Variants in SLC25A28 observed in about 807,000 individuals in gnomAD.
The protein encoded by SLC25A28 is mitoferrin-2.
SLC25A28 carries 10 observed loss-of-function variants against 31.9 expected under a neutral mutation model. The observed-to-expected ratio is 0.31, with a 90% CI of 0.19 to 0.53. SLC25A28 has a LOEUF of 0.53. Among genes scored for constraint, SLC25A28 ranks in the 20% least tolerant of loss-of-function variants. SLC25A28 has a pLI of 0.95. For synonymous variants in SLC25A28, 208 were observed against 203.6 expected (o/e 1.02, Z -0.19); for missense variants, 256 against 490.3 (o/e 0.52, Z 4.51).
chr10:99,639,225 T>C, the SLC25A28 span, among the ~76,000 whole-genome samples: 1 of 151,714 alleles, frequency 6.6e-6, no homozygotes, highest in Admixed American at 6.6e-5. Context: ...TAAGTGAGGG[T>C]AACTCAGGAA....
intron 1 of SLC25A28, chr10:99,616,384 AG>A (rs2034655806): frequency 1.2e-6 from 1 of 858,750 alleles, no homozygotes; most frequent in African/African-American, 1.8e-5. Flanking sequence ...AAAAGAGATA[AG>A]ATATGTAAAA....
the SLC25A28 span, among the ~76,000 whole-genome samples, chr10:99,643,880 G>A: frequency 6.6e-6 from 1 of 152,228 alleles, no homozygotes; most frequent in South Asian, 2.1e-4. Context: ...GTGGTTTTGA[G>A]TGAGTTTCTA....
At chr10:99,618,793 A>G in intron 1 of SLC25A28, 2 of 985,422 alleles carry the variant, frequency 2.0e-6, no homozygotes, top group South Asian at 4.7e-5. Flanking sequence ...CCTTATCCAC[A>G]TTCTAATGAA....
chr10:99,613,803 G>A lies in SLC25A28; in HGVS notation c.413C>T (p.Ala138Val). The change falls in exon 2 of 4, where the codon GCA (alanine) becomes GTA (valine). Residue 138 changes from alanine (A) to valine (V), a missense_variant. Ala to Val is a moderately conservative substitution (Grantham distance 64). This residue lies in a region of SLC25A28 where 158 missense variants were observed against 379.1 expected (regional missense o/e 0.42). Transcript: ENST00000370495. This position sits in a 1 kb window ranked among gnomAD's most constrained non-coding sequence, Gnocchi z 4.9. Reference sequence around the variant, plus strand: ...GGCGTGGGCAGGCCCTGCGCCTGTTGCTGTGACGTTCAGCCCCCTCATGGG... The same window carrying A: ...GGCGTGGGCAGGCCCTGCGCCTGTTACTGTGACGTTCAGCCCCCTCATGGG... ...WRPMRGLNVT[A>V]TGAGPAHALY... 6.2e-7 allele frequency: 1 copy of A among 1,614,240 alleles called. No individual in the cohort carries two copies. Among genetic ancestry groups the A allele is most frequent in the Non-Finnish European group, 8.5e-7 (1 of 1,180,038 alleles).
chr10:99,657,274 G>A, the SLC25A28 span, among the ~76,000 whole-genome samples: 1 of 152,166 alleles, frequency 6.6e-6, no homozygotes, highest in Non-Finnish European at 1.5e-5. Context: ...AGAACTCACA[G>A]AAGGTAAATT....
At chr10:99,649,470 T>C in the SLC25A28 span, among the ~76,000 whole-genome samples, 10 of 152,360 alleles carry the variant, frequency 6.6e-5, no homozygotes, top group African/African-American at 2.4e-4. Flanking sequence ...CCTTGTAGAA[T>C]GAGTTAAGGA....
upstream of SLC25A28, among the ~76,000 whole-genome samples, chr10:99,622,511 C>T (rs987614866): frequency 6.6e-6 from 1 of 152,206 alleles, no homozygotes; most frequent in African/African-American, 2.4e-5. Context: ...TGTCCTTTCT[C>T]TCCTTAAGCT....
the SLC25A28 span, among the ~76,000 whole-genome samples, chr10:99,627,814 T>G: frequency 6.6e-6 from 1 of 152,140 alleles, no homozygotes; most frequent in African/African-American, 2.4e-5. Flanking sequence ...TATCAAACAG[T>G]AGGTCTTATT....
upstream of SLC25A28, among the ~76,000 whole-genome samples, chr10:99,625,494 C>T (rs1242042513): frequency 1.3e-5 from 2 of 152,232 alleles, no homozygotes; most frequent in Non-Finnish European, 2.9e-5. Flanking sequence ...AGAAGCCCAG[C>T]TGGCTTCACC....
At chr10:99,657,600 G>A in the SLC25A28 span, among the ~76,000 whole-genome samples, 1 of 152,078 alleles carries the variant, frequency 6.6e-6, no homozygotes, top group Non-Finnish European at 1.5e-5. Flanking sequence ...ATAGTCATGA[G>A]AACTGAATAT....
At chr10:99,628,017 T>C in the SLC25A28 span, among the ~76,000 whole-genome samples, 1,883 of 152,282 alleles carry the variant, frequency 0.012, 48 homozygotes, top group African/African-American at 0.043. Flanking sequence ...GATACCAATC[T>C]CTGACTATTA....
intron 1 of SLC25A28, chr10:99,616,324 C>G (rs1053086496): frequency 5.1e-6 from 4 of 783,876 alleles, no homozygotes; most frequent in Non-Finnish European, 6.2e-6. Context: ...AAATTGTCAT[C>G]TATAACATGA....
the SLC25A28 span, among the ~76,000 whole-genome samples, chr10:99,630,886 T>C: frequency 1.3e-5 from 2 of 152,150 alleles, no homozygotes; most frequent in African/African-American, 4.8e-5. Context: ...TAACTTAGCC[T>C]AGGGGGTTAT....
the SLC25A28 span, among the ~76,000 whole-genome samples, chr10:99,648,259 A>C: frequency 6.6e-6 from 1 of 152,006 alleles, no homozygotes; most frequent in African/African-American, 2.4e-5. Context: ...TGTCTTCCAA[A>C]GTGCTGGAAT....
the SLC25A28 span, among the ~76,000 whole-genome samples, chr10:99,648,957 CTT>C: frequency 6.6e-6 from 1 of 151,886 alleles, no homozygotes; most frequent in Non-Finnish European, 1.5e-5. Context: ...ATTTTTTTCT[CTT>C]GTCTGATTGG....
rs2133332517 is a variant in SLC25A28 at position 99,611,303 on chromosome 10, G to A, written c.641C>T (p.Ala214Val). ...PYHRVTDCVRAVWQNEGAGAF... is the reference protein window; with the variant it reads ...PYHRVTDCVRVVWQNEGAGAF... ...CCCGGCCCCTTCATTTTGCCACACT[G>A]CCCGTACACAGTCTGTCACCCGGTG... The change falls in exon 4 of 4, where the codon GCA becomes GTA. Residue 214 changes from alanine to valine, a missense_variant. Around this residue, in one of 4 missense-constraint regions of SLC25A28, gnomAD observed 158 missense variants for 379.1 expected, o/e 0.42. Transcript: ENST00000370495. This position sits in a 1 kb window ranked among gnomAD's most constrained non-coding sequence, Gnocchi z 5.5. 1.9e-6 allele frequency: 3 copies of A among 1,614,112 alleles called. No homozygotes were observed. Among genetic ancestry groups the A allele is most frequent in the Non-Finnish European group, 2.5e-6 (3 of 1,180,020 alleles).
rs939235249 is a variant in SLC25A28 at position 99,620,245 on chromosome 10, C to T, written c.91G>A (p.Gly31Arg). The T allele has an allele frequency of 4.2e-5, 55 of 1,305,094 alleles. No homozygotes were observed. The highest frequency in any genetic ancestry group is 5.3e-5 in the Non-Finnish European group (55 of 1,029,558). 80.8% of individuals were successfully genotyped at this position (1,305,094 alleles called of 1,614,324 possible). The change falls in exon 1 of 4, where the codon GGG becomes AGG. Residue 31 changes from glycine to arginine, a missense_variant. Coordinates refer to ENST00000370495, the MANE Select transcript of SLC25A28 (RefSeq NM_031212.4). ...RSPGESALLD[G>R]WLQRGVGRGA... ...CGGCCCACGCCCCGCTGCAGCCACCCGTCCAGCAGCGCCGACTCCCCGGGG... is the reference window on the plus strand; with the variant it reads ...CGGCCCACGCCCCGCTGCAGCCACCTGTCCAGCAGCGCCGACTCCCCGGGG...
chr10:99,639,982 A>T, the SLC25A28 span, among the ~76,000 whole-genome samples: 1 of 152,164 alleles, frequency 6.6e-6, no homozygotes, highest in Admixed American at 6.6e-5. Context: ...AAAAAACAAA[A>T]AAGCTAGGAA....
upstream of SLC25A28, among the ~76,000 whole-genome samples, chr10:99,622,906 G>T (rs925615913): frequency 9.9e-5 from 15 of 152,100 alleles, no homozygotes; most frequent in African/African-American, 1.4e-4. Flanking sequence ...GGGGATACAG[G>T]ACAGACATAG....
Sources: gnomAD v4.1 joint callset for allele counts (sites outside exome capture counted in the v4.1 genomes callset) on GRCh38, gnomAD v4.1.1 for gene constraint, gnomAD v4.1.1 regional missense constraint, Gnocchi (gnomAD v3.1) non-coding constraint, MANE v1.5 for transcripts, NCBI Gene and HGNC (gene_info 2026-07-23, HGNC 2026-07-21) for gene names.